KTN1: variants seen among roughly 807,000 people sequenced by gnomAD.
KTN1 encodes the protein kinectin.
KTN1 carries 130 observed loss-of-function variants against 222.5 expected under a neutral mutation model. That is an observed-to-expected ratio of 0.58 (90% confidence interval 0.51 to 0.68). The LOEUF (loss-of-function observed/expected upper bound fraction) is 0.68. Ranked by LOEUF, KTN1 falls within the 30% of genes least tolerant of loss-of-function variation. The pLI is 0.00. For synonymous variants in KTN1, 512 were observed against 496.3 expected (o/e 1.03, Z -0.42); for missense variants, 1,508 against 1,500.4 (o/e 1.01, Z -0.08).
At chr14:55,616,264 A>G (rs577124630) in intron 2 of KTN1, among the ~76,000 whole-genome samples, 1 of 152,056 alleles carries the variant, frequency 6.6e-6, no homozygotes, top group Non-Finnish European at 1.5e-5. Context: ...ATTTTTTAAG[A>G]TGATAGAGAC....
intron 3 of KTN1, among the ~76,000 whole-genome samples, chr14:55,617,725 T>G (rs1173508284): frequency 2.0e-5 from 3 of 152,190 alleles, no homozygotes; most frequent in Non-Finnish European, 4.4e-5. Context: ...TTAGAGGAGA[T>G]ATGCTATACA....
At chr14:55,640,109 G>T in intron 14 of KTN1, 106 bp downstream of exon 14, 1 of 749,546 alleles carries the variant, frequency 1.3e-6, no homozygotes, top group Non-Finnish European at 2.2e-6. Flanking sequence ...AAATAGTCTA[G>T]AATTCATTTG....
intron 6 of KTN1, among the ~76,000 whole-genome samples, 155 bp downstream of exon 6, chr14:55,628,183 C>G (rs1336687716): frequency 6.6e-6 from 1 of 152,186 alleles, no homozygotes; most frequent in African/African-American, 2.4e-5. Flanking sequence ...ATAGAGCTGT[C>G]TCTCTCTTTT....
chr14:55,584,824 AT>A (rs1167346180), intron 1 of KTN1, among the ~76,000 whole-genome samples: 3 of 152,188 alleles, frequency 2.0e-5, no homozygotes, highest in East Asian at 3.9e-4. Flanking sequence ...CTCAATAAGA[AT>A]TTGTTGAACA....
At position 55,600,378 on chromosome 14, in the gene KTN1, G is replaced by C. The variant is rs191069787; in HGVS notation, c.-30-11641G>C. On this transcript the variant is annotated intron_variant, in intron 1 of 43. Coordinates refer to ENST00000395314, the MANE Select transcript of KTN1 (RefSeq NM_001079521.2). ...TTAATTTCATTAAGTTTAAGCATCAGTTATTAAGACTACCCTGTGGTAGTG... is the reference window on the plus strand; with the variant it reads ...TTAATTTCATTAAGTTTAAGCATCACTTATTAAGACTACCCTGTGGTAGTG... Among the ~76,000 whole-genome samples, 540 of 152,214 alleles carry C rather than the reference G, an allele frequency of 3.5e-3. 7 individuals carry two copies. The highest frequency in any genetic ancestry group is 0.012 in the African/African-American group (510 of 41,528).
At chr14:55,632,262 T>A (rs2040614194) in intron 7 of KTN1, among the ~76,000 whole-genome samples, 1 of 152,242 alleles carries the variant, frequency 6.6e-6, no homozygotes, top group African/African-American at 2.4e-5. Context: ...GTGAAAGGTA[T>A]TTAAGTGATT....
intron 27 of KTN1, 127 bp downstream of exon 27, chr14:55,653,212 T>G (rs1197154804): frequency 4.3e-6 from 3 of 697,266 alleles, no homozygotes; most frequent in Admixed American, 2.9e-5. Flanking sequence ...GTACCATAGT[T>G]TTGTTGTTGT....
chr14:55,655,114 G>A (rs1343681804), intron 28 of KTN1, among the ~76,000 whole-genome samples: 3 of 151,814 alleles, frequency 2.0e-5, no homozygotes, highest in African/African-American at 7.3e-5. Context: ...TCAGCCTTTC[G>A]AGTAGCTGGG....
chr14:55,593,446 C>CCCCCCA (rs1555357160), intron 1 of KTN1, among the ~76,000 whole-genome samples: 32 of 120,564 alleles, frequency 2.7e-4, no homozygotes, highest in African/African-American at 5.7e-4. Flanking sequence ...ACCCCCCCCC[C>CCCCCCA]AAAAAAAAAA....
At chr14:55,657,210 G>A (rs910012569) in intron 29 of KTN1, among the ~76,000 whole-genome samples, 10 of 152,114 alleles carry the variant, frequency 6.6e-5, no homozygotes, top group African/African-American at 2.4e-4. Context: ...CCAACTAAGG[G>A]CCATTTCACC....
At chr14:55,646,687 T>A (rs1415127284) in intron 18 of KTN1, among the ~76,000 whole-genome samples, 1 of 151,866 alleles carries the variant, frequency 6.6e-6, no homozygotes, top group Non-Finnish European at 1.5e-5. Context: ...AGGCAGATTG[T>A]CTTAAGGTTA....
chr14:55,659,768 C>A, intron 31 of KTN1, 65 bp downstream of exon 31: 1 of 926,674 alleles, frequency 1.1e-6, no homozygotes, highest in South Asian at 1.4e-5. Flanking sequence ...AAACCATTCT[C>A]AAATAAGCAA....
chr14:55,675,733 A>G (rs931827256), intron 40 of KTN1, 102 bp from the exon 41 acceptor site: 5 of 738,006 alleles, frequency 6.8e-6, no homozygotes, highest in African/African-American at 1.8e-5. Context: ...ACTGTACATA[A>G]TAACTGTTAG....
In KTN1 at chr14:55,634,618, T is replaced by C. The variant is rs984040113; in HGVS notation, c.1421T>C (p.Val474Ala). ...EKTGKLQQEE[V>A]QKKNAEQAAT... is the part of the protein sequence containing the mutation. ...ACAGGAAAGCTACAGCAAGAGGAAG[T>C]CCAAAAGAAGAATGCTGAGCAAGCA... is the stretch of plus-strand genomic sequence containing the variant. The change falls in exon 9 of 44, where the codon GTC (valine) becomes GCC (alanine). Residue 474 changes from valine to alanine, a missense_variant. By Grantham distance (64) the Val-to-Ala change is moderately conservative. Coordinates refer to ENST00000395314, the MANE Select transcript of KTN1 (RefSeq NM_001079521.2). 14 of 1,613,570 alleles carry C rather than the reference T, an allele frequency of 8.7e-6. No homozygotes were observed. The highest frequency in any genetic ancestry group is 1.2e-5 in the Non-Finnish European group (14 of 1,179,788).
chr14:55,656,381 A>G, intron 29 of KTN1: 1 of 361,804 alleles, frequency 2.8e-6, no homozygotes, highest in Non-Finnish European at 4.9e-6. Flanking sequence ...TTCACAATTA[A>G]CAGTGTTTTC....
At position 55,680,462 on chromosome 14, in the gene KTN1, A is replaced by G. The variant is rs375393130; in HGVS notation, c.4069+777A>G. On this transcript the variant is annotated intron_variant, in intron 43 of 43. Transcript: ENST00000395314. ...TAGAGTGTAATTAGAGTATTCAGAT[A>G]TGCACTGAATACTTCAGATATTCTT... 5.5e-4 allele frequency: 188 copies of G among 343,450 alleles called. 3 individuals carry two copies. The highest frequency in any genetic ancestry group is 4.3e-3 in the South Asian group (180 of 41,806). The allele number at this position is 343,450 out of a possible 1,614,324, so 21.3% of individuals were successfully genotyped here.
chr14:55,667,820 C>T (rs895191321), intron 34 of KTN1: 2 of 151,792 alleles, frequency 1.3e-5, no homozygotes, highest in South Asian at 2.1e-4. Context: ...TACATGTTCT[C>T]CTTTGTTCAG....
At chr14:55,616,096 G>A (rs1355870944) in intron 2 of KTN1, among the ~76,000 whole-genome samples, 6 of 151,570 alleles carry the variant, frequency 4.0e-5, no homozygotes, top group Non-Finnish European at 5.9e-5. Context: ...TATTTTTTTC[G>A]TAGAGATGGA....
At chr14:55,599,252 T>C (rs2035571175) in intron 1 of KTN1, among the ~76,000 whole-genome samples, 1 of 152,210 alleles carries the variant, frequency 6.6e-6, no homozygotes, top group Non-Finnish European at 1.5e-5. Context: ...TTTAATAGTC[T>C]TTCACATTCT....
Sources: gnomAD v4.1 joint callset for allele counts (sites outside exome capture counted in the v4.1 genomes callset) on GRCh38, gnomAD v4.1.1 for gene constraint, MANE v1.5 for transcripts, NCBI Gene and HGNC (gene_info 2026-07-23, HGNC 2026-07-21) for gene names.